The following HDX variants were observed in gnomAD, a reference collection of about 807,000 sequenced individuals.
The protein encoded by HDX is chromosome X open reading frame 43.
HDX carries 19 observed loss-of-function variants against 45.2 expected under a neutral mutation model. The ratio of observed to expected loss-of-function variants is 0.42; its 90% confidence interval spans 0.29 to 0.62. The LOEUF is 0.62. Among genes scored for constraint, HDX ranks in the 20% least tolerant of loss-of-function variants. The probability of loss-of-function intolerance (pLI) is 0.20; values close to 1 mark genes in which losing one functional copy is unlikely to be tolerated. For synonymous variants in HDX, 188 were observed against 172.8 expected, an observed-to-expected ratio of 1.09 and a Z score of -0.69; for missense variants, 532 against 493.9, an observed-to-expected ratio of 1.08 and a Z score of -0.73.
chrX:84,455,536 A>C (rs2040094817), intron 4 of HDX, among the ~76,000 whole-genome samples: 1 of 111,694 alleles, frequency 9.0e-6, no homozygotes, highest in Non-Finnish European at 1.9e-5. Context: ...GAGAAGACAA[A>C]ATATAAAATA....
At chrX:84,325,540 GAC>G (rs1366452646) in intron 10 of HDX, among the ~76,000 whole-genome samples, 1 of 111,448 alleles carries the variant, frequency 9.0e-6, no homozygotes, top group African/African-American at 3.3e-5. Context: ...GAATGTATGA[GAC>G]ACAAAATATA....
At chrX:84,452,265 G>A (rs777340118) in intron 4 of HDX, among the ~76,000 whole-genome samples, 5 of 110,477 alleles carry the variant, frequency 4.5e-5, no homozygotes, top group South Asian at 7.7e-4. Context: ...AGGAAAAACC[G>A]GAAAATCCAC....
At chrX:84,370,322 G>C (rs1056593127) in intron 5 of HDX, among the ~76,000 whole-genome samples, 1 of 111,686 alleles carries the variant, frequency 9.0e-6, no homozygotes, top group African/African-American at 3.3e-5. Flanking sequence ...TTGGTCCCCA[G>C]CTTGCAGACT....
intron 4 of HDX, among the ~76,000 whole-genome samples, chrX:84,465,250 G>A (rs554923654): frequency 6.2e-5 from 7 of 112,109 alleles, no homozygotes; most frequent in East Asian, 5.6e-4. Flanking sequence ...AACCATTGTG[G>A]AAGACAGTGT....
intron 10 of HDX, among the ~76,000 whole-genome samples, chrX:84,325,418 T>C (rs935023855): frequency 1.8e-5 from 2 of 111,783 alleles, no homozygotes; most frequent in African/African-American, 6.5e-5. Flanking sequence ...GGAATCAGCA[T>C]AATGTCATAT....
intron 4 of HDX, among the ~76,000 whole-genome samples, chrX:84,457,881 T>A (rs1201228831): frequency 8.9e-6 from 1 of 111,977 alleles, no homozygotes; most frequent in Non-Finnish European, 1.9e-5. Flanking sequence ...TGTTTCTTGA[T>A]CATAAGAAAA....
chrX:84,495,599 C>T (rs1054799215), intron 1 of HDX, among the ~76,000 whole-genome samples: 1 of 111,516 alleles, frequency 9.0e-6, no homozygotes, highest in Non-Finnish European at 1.9e-5. Flanking sequence ...TTAAAAGTCT[C>T]ATAGAGTAGA....
chrX:84,482,217 G>A (rs749367446), intron 2 of HDX, among the ~76,000 whole-genome samples: 23 of 110,617 alleles, frequency 2.1e-4, no homozygotes, highest in African/African-American at 6.9e-4. Context: ...ATTTTTTTTC[G>A]TTCACCCAGT....
At chrX:84,486,844 G>A (rs1048113988) in intron 2 of HDX, among the ~76,000 whole-genome samples, 1 of 110,629 alleles carries the variant, frequency 9.0e-6, no homozygotes, top group Non-Finnish European at 1.9e-5. Flanking sequence ...ATTATTTCAA[G>A]CTCCTTGATA....
chrX:84,420,280 A>G (rs750669329), intron 5 of HDX, among the ~76,000 whole-genome samples: 16 of 111,811 alleles, frequency 1.4e-4, no homozygotes, highest in Non-Finnish European at 2.5e-4. Context: ...ATTCTATCAG[A>G]TGATTGAAAT....
Position 84,385,560 on chromosome X carries a change from C to A in HDX, c.1306-23948G>T, listed in dbSNP as rs1362322908. 2.7e-5 allele frequency among the ~76,000 whole-genome samples: 3 copies of A among 110,580 alleles called. No homozygotes were observed. The East Asian group carries it at 8.6e-4, about 32-fold the overall frequency. ...GTTTTTTTGTAGTTCTCCTTACAGA[C>A]ATCTTTCACCTTCTTGGTGAGCTGC... On this transcript the variant is annotated intron_variant, in intron 5 of 10. Coordinates refer to ENST00000373177, the MANE Select transcript of HDX (RefSeq NM_001177479.2).
chrX:84,475,852 G>T (rs1288202400), intron 2 of HDX, among the ~76,000 whole-genome samples: 1 of 111,484 alleles, frequency 9.0e-6, no homozygotes, highest in Non-Finnish European at 1.9e-5. Context: ...TGGAACAAAA[G>T]GGTGCGTTTA....
intron 2 of HDX, among the ~76,000 whole-genome samples, chrX:84,484,502 C>A (rs1417188135): frequency 2.5e-5 from 2 of 79,582 alleles, no homozygotes; most frequent in East Asian, 8.5e-4. Context: ...ATGAGGGATA[C>A]CACCCCATGA....
intron 5 of HDX, among the ~76,000 whole-genome samples, chrX:84,373,477 T>A (rs1329526723): frequency 1.8e-5 from 2 of 110,912 alleles, no homozygotes; most frequent in African/African-American, 3.3e-5. Context: ...TTTAGACCAA[T>A]ATCCTTGATG....
At chrX:84,323,488 A>G (rs2147746458) in intron 10 of HDX, among the ~76,000 whole-genome samples, 1 of 111,689 alleles carries the variant, frequency 9.0e-6, no homozygotes, top group Non-Finnish European at 1.9e-5. Context: ...ACATGTTCTT[A>G]GAGTCAGAAA....
intron 4 of HDX, among the ~76,000 whole-genome samples, chrX:84,443,398 G>A (rs2039802867): frequency 9.0e-6 from 1 of 111,294 alleles, no homozygotes; most frequent in South Asian, 3.7e-4. Flanking sequence ...AGACTGGTTT[G>A]GAAAACTATG....
intron 5 of HDX, among the ~76,000 whole-genome samples, chrX:84,417,150 A>AAAAG (rs59777893): frequency 0.063 from 6,666 of 106,059 alleles, 439 homozygotes; most frequent in East Asian, 0.41. Flanking sequence ...CGAGACTCCA[A>AAAAG]AAAGAAAGAA....
At chrX:84,427,873 T>A (rs1276747668) in intron 5 of HDX, among the ~76,000 whole-genome samples, 1 of 111,096 alleles carries the variant, frequency 9.0e-6, no homozygotes, top group African/African-American at 3.3e-5. Flanking sequence ...TTTTAGAAAT[T>A]GTCAAACTGT....
At chrX:84,398,300 G>C (rs2038614416) in intron 5 of HDX, among the ~76,000 whole-genome samples, 1 of 110,953 alleles carries the variant, frequency 9.0e-6, no homozygotes, top group Admixed American at 9.6e-5. Flanking sequence ...AAAGAGTCAA[G>C]ACCCATCAAT....
Sources: allele counts gnomAD v4.1 joint callset (sites outside exome capture counted in the v4.1 genomes callset), GRCh38; gene constraint gnomAD v4.1.1; transcripts MANE v1.5; gene names NCBI Gene and HGNC (gene_info 2026-07-23, HGNC 2026-07-21).